RHCE: variants seen among roughly 807,000 people sequenced by gnomAD.
RHCE encodes blood group Rh(CE) polypeptide.
Under a neutral mutation model 43.8 loss-of-function variants are expected in RHCE, and 22 were observed. The ratio of observed to expected loss-of-function variants is 0.50; its 90% CI spans 0.36 to 0.72. RHCE has a LOEUF of 0.72. Among genes scored for constraint, RHCE ranks in the 30% least tolerant of loss-of-function variants. The probability of loss-of-function intolerance (pLI) is 0.00; values close to 1 mark genes in which losing one functional copy is unlikely to be tolerated. For missense variants in RHCE, 385 were observed against 525.4 expected (o/e 0.73, Z 2.61); for synonymous variants, 156 against 210.7 (o/e 0.74, Z 2.25).
chr1:25,383,398 C>T (rs1646057715), intron 7 of RHCE, among the ~76,000 whole-genome samples: 1 of 152,170 alleles, frequency 6.6e-6, no homozygotes, highest in Non-Finnish European at 1.5e-5. Flanking sequence ...GCACTTAATC[C>T]TCTCTCCATC....
rs374591957 is a variant in RHCE, at chr1:25,392,043, C to T, written c.585G>A (p.Thr195=). 3.7e-6 allele frequency: 6 copies of T among 1,614,056 alleles called. No individual in the cohort carries two copies. The highest frequency in any genetic ancestry group is 1.6e-4 in the Middle Eastern group (1 of 6,084). The part of the protein sequence containing the change: ...WCLPKPLPKG[T]EDNDQRATIP... ...TCGTTGCTCTCTGATCATTATCCTC[C>T]GTTCCCTTGGGTAGAGGCTTTGGCA... The change falls in exon 4 of 10, where the codon ACG becomes ACA. Residue 195 remains threonine (T), a synonymous_variant. Coordinates refer to ENST00000294413, the MANE Select transcript of RHCE (RefSeq NM_020485.8).
intron 1 of RHCE, among the ~76,000 whole-genome samples, chr1:25,412,714 TTAAAAAAAAAA>T (rs1352928654): frequency 4.0e-5 from 4 of 100,420 alleles, no homozygotes; most frequent in African/African-American, 1.5e-4. Flanking sequence ...GACCCTTTTT[TTAAAAAAAAAA>T]AAAAAAAAAA....
At chr1:25,389,728 T>C (rs190642283) in intron 5 of RHCE, among the ~76,000 whole-genome samples, 18 of 152,316 alleles carry the variant, frequency 1.2e-4, no homozygotes, top group Admixed American at 3.3e-4. Context: ...ATTATTATTA[T>C]TGGCTACTTG....
chr1:25,393,780 C>T (rs1203276006), intron 3 of RHCE, among the ~76,000 whole-genome samples: 6 of 151,920 alleles, frequency 3.9e-5, no homozygotes, highest in Non-Finnish European at 8.8e-5. Context: ...CTATTGCACT[C>T]CTCCACTTGC....
At chr1:25,428,942 G>C (rs1199649397) in intron 2 of RHCE, 1 of 152,306 alleles carries the variant, frequency 6.6e-6, no homozygotes, top group East Asian at 1.9e-4. Flanking sequence ...TGAGAAAAAC[G>C]GTTTGCTTGC....
intron 1 of RHCE, among the ~76,000 whole-genome samples, chr1:25,415,391 G>A (rs1430295349): frequency 4.6e-5 from 7 of 152,192 alleles, no homozygotes; most frequent in Non-Finnish European, 8.8e-5. Flanking sequence ...GGTGGCTCAC[G>A]CCTGTAATCC....
intron 8 of RHCE, among the ~76,000 whole-genome samples, chr1:25,372,241 C>T (rs1261502706): frequency 1.3e-5 from 2 of 151,632 alleles, no homozygotes; most frequent in African/African-American, 2.4e-5. Context: ...ATTTGTTGGC[C>T]GGGCACAGTG....
chr1:25,427,501 C>T (rs983757225), intron 2 of RHCE, among the ~76,000 whole-genome samples: 8 of 152,218 alleles, frequency 5.3e-5, no homozygotes, highest in Admixed American at 4.6e-4. Flanking sequence ...CTTAGAATCC[C>T]AAAGGGCCAT....
At chr1:25,416,702 A>C (rs1173525077) in intron 1 of RHCE, among the ~76,000 whole-genome samples, 1 of 151,078 alleles carries the variant, frequency 6.6e-6, no homozygotes, top group Non-Finnish European at 1.5e-5. Flanking sequence ...CTGCAGCCTC[A>C]AGCTCCCAGG....
At position 25,362,700 on chromosome 1, in the gene RHCE, G is replaced by T. The variant is rs1046795290; in HGVS notation, c.1228-147C>A. 5 of 531,118 alleles carry T rather than the reference G, an allele frequency of 9.4e-6. No individual in the cohort carries two copies. In the African/African-American group the frequency reaches 1.2e-4, roughly 13 times the overall value. The allele number at this position is 531,118 out of a possible 1,614,324, so 32.9% of individuals were successfully genotyped here. A position where few individuals can be genotyped will look rare whatever the true frequency, so the allele number is the denominator to read the frequency against. On this transcript the variant is annotated intron_variant, in intron 9 of 9. Transcript: ENST00000294413. ...AATTGGAAGAGATCTTGGATATATA[G>T]GTTTTATTTCATCTAACGTTTTACA... is the stretch of plus-strand genomic sequence containing the variant.
chr1:25,424,685 G>T (rs2042791820), upstream of RHCE, among the ~76,000 whole-genome samples: 1 of 152,020 alleles, frequency 6.6e-6, no homozygotes, highest in Non-Finnish European at 1.5e-5. Flanking sequence ...ACTGTGCCTG[G>T]CCTCTGATTG....
At chr1:25,409,706 C>T (rs535777026) in intron 1 of RHCE, among the ~76,000 whole-genome samples, 1 of 130,402 alleles carries the variant, frequency 7.7e-6, no homozygotes, top group Admixed American at 8.1e-5. Context: ...CATCTCTGAG[C>T]TTTATAACAG....
chr1:25,415,247 G>C (rs1008188511), intron 1 of RHCE, among the ~76,000 whole-genome samples: 1 of 152,144 alleles, frequency 6.6e-6, no homozygotes. Flanking sequence ...CAGACCAGTA[G>C]TCATTACAGC....
intron 2 of RHCE, among the ~76,000 whole-genome samples, chr1:25,428,433 A>G (rs2042820997): frequency 6.6e-6 from 1 of 152,220 alleles, no homozygotes; most frequent in South Asian, 2.1e-4. Context: ...ACTGCTCCAC[A>G]CATAGCATTC....
At chr1:25,401,915 C>T (rs763625605) in intron 3 of RHCE, among the ~76,000 whole-genome samples, 29 of 151,716 alleles carry the variant, frequency 1.9e-4, no homozygotes, top group African/African-American at 6.8e-4. Flanking sequence ...TTGCTCTTGT[C>T]CCCCAGGCTG....
intron 1 of RHCE, among the ~76,000 whole-genome samples, chr1:25,414,513 CAG>C (rs906305151): frequency 6.6e-6 from 1 of 152,056 alleles, no homozygotes; most frequent in Non-Finnish European, 1.5e-5. Context: ...GGAAGAAAAA[CAG>C]AGATTTCCCA....
rs189911237 is a variant in RHCE, at chr1:25,383,535, T to C, written c.1073+2176A>G. ...AGGACTTATTTTCCCATTTTACAGATAGAAAACTGAGATTTAGGGAGTTTG... is the reference window on the plus strand; with the variant it reads ...AGGACTTATTTTCCCATTTTACAGACAGAAAACTGAGATTTAGGGAGTTTG... On this transcript the variant is annotated intron_variant, in intron 7 of 9. Coordinates refer to ENST00000294413, the MANE Select transcript of RHCE (RefSeq NM_020485.8). 8.5e-4 allele frequency among the ~76,000 whole-genome samples: 130 copies of C among 152,296 alleles called. 1 individual carries two copies. Among genetic ancestry groups the C allele is most frequent in the Admixed American group, 3.7e-3 (57 of 15,306 alleles).
In RHCE at chr1:25,370,539, A is replaced by G; in HGVS notation, c.1155T>C (p.Gly385=). The G allele has an allele frequency of 6.2e-7, 1 of 1,609,522 alleles. No individual in the cohort carries two copies. Among genetic ancestry groups the G allele is most frequent in the Non-Finnish European group, 8.5e-7 (1 of 1,176,796 alleles). ...TCCATATTTTGAGATTTAGGAGCAA[A>G]CCTGTTTAAATGCATAATTTAATGT... ...VIALTSGLLT[G]LLLNLKIWKA... is the part of the protein sequence containing the mutation. The change falls in exon 9 of 10, where the codon GGT becomes GGC. Residue 385 remains glycine, a splice_region_variant and synonymous_variant. Transcript: ENST00000294413.
At chr1:25,390,673 G>C in intron 5 of RHCE, 76 bp downstream of exon 5, 2 of 1,538,836 alleles carry the variant, frequency 1.3e-6, no homozygotes, top group Non-Finnish European at 1.8e-6. Context: ...CGCTGGCCCT[G>C]GGGTGGGGAG....
Sources: allele counts gnomAD v4.1 joint callset (sites outside exome capture counted in the v4.1 genomes callset), GRCh38; gene constraint gnomAD v4.1.1; transcripts MANE v1.5; gene names NCBI Gene and HGNC (gene_info 2026-07-23, HGNC 2026-07-21).